Variants in EXT1 observed in about 807,000 individuals in gnomAD.
The protein encoded by EXT1 is exostosin glycosyltransferase 1.
EXT1 carries 20 observed loss-of-function variants against 82.5 expected under a neutral mutation model. The ratio of observed to expected loss-of-function variants is 0.24; its 90% CI spans 0.17 to 0.35. The LOEUF (loss-of-function observed/expected upper bound fraction) is 0.35. Ranked by LOEUF, EXT1 falls within the 10% of genes least tolerant of loss-of-function variation. The probability of loss-of-function intolerance (pLI) is 1.00; values close to 1 mark genes in which losing one functional copy is unlikely to be tolerated. For synonymous variants in EXT1, 348 were observed against 350.8 expected (o/e 0.99, Z 0.09); for missense variants, 757 against 936.5 (o/e 0.81, Z 2.50).
chr8:118,011,034 A>G (rs1420962560), intron 1 of EXT1, among the ~76,000 whole-genome samples: 1 of 152,214 alleles, frequency 6.6e-6, no homozygotes, highest in East Asian at 1.9e-4. Context: ...AGATGTGCAC[A>G]TGAAAACCTG....
intron 4 of EXT1, among the ~76,000 whole-genome samples, chr8:117,829,796 C>T (rs1215687069): frequency 6.6e-6 from 1 of 151,840 alleles, no homozygotes; most frequent in Non-Finnish European, 1.5e-5. Context: ...GTCTTGAACT[C>T]CTGAACTCAG....
At chr8:117,873,745 C>T (rs1490664858) in intron 1 of EXT1, among the ~76,000 whole-genome samples, 1 of 152,036 alleles carries the variant, frequency 6.6e-6, no homozygotes, top group African/African-American at 2.4e-5. Context: ...CATGAGCCAC[C>T]GCGCCCAGTC....
chr8:117,852,723 G>A (rs1812476520), intron 1 of EXT1, among the ~76,000 whole-genome samples: 1 of 152,130 alleles, frequency 6.6e-6, no homozygotes, highest in Non-Finnish European at 1.5e-5. Flanking sequence ...GAGACAATGA[G>A]ATTCCATTCA....
intron 1 of EXT1, among the ~76,000 whole-genome samples, chr8:117,909,249 C>G (rs1378672008): frequency 6.6e-6 from 1 of 152,024 alleles, no homozygotes; most frequent in African/African-American, 2.4e-5. Flanking sequence ...CAAATCAGGC[C>G]CTTCAGTTGC....
At chr8:117,807,866 T>TAA (rs140138400) in intron 8 of EXT1, among the ~76,000 whole-genome samples, 3 of 147,822 alleles carry the variant, frequency 2.0e-5, no homozygotes, top group African/African-American at 7.5e-5. Context: ...GAAATAACTT[T>TAA]AAAAAAAAAA....
chr8:118,016,225 C>T (rs1201601649), intron 1 of EXT1, among the ~76,000 whole-genome samples: 2 of 152,154 alleles, frequency 1.3e-5, no homozygotes, highest in Non-Finnish European at 2.9e-5. Flanking sequence ...AACACCATCT[C>T]TACCAAAAAT....
At chr8:117,949,542 TATATC>T (rs1405597173) in intron 1 of EXT1, among the ~76,000 whole-genome samples, 1 of 149,708 alleles carries the variant, frequency 6.7e-6, no homozygotes, top group Non-Finnish European at 1.5e-5. Flanking sequence ...ATACGTATTA[TATATC>T]ATATTTGTGC....
rs564955811 is a variant in EXT1, at chr8:118,015,438, C to CGATCTAAA, written c.962+94639_962+94646dup. 3.9e-5 allele frequency among the ~76,000 whole-genome samples: 6 copies of CGATCTAAA among 152,196 alleles called. No individual in the cohort carries two copies. The South Asian group carries it at 1.2e-3, about 32-fold the overall frequency. ...ATGCATAAATGTATCCAAAATTCCACGATCTAAAGTTTCTAATAATTTGGA... is the reference window on the plus strand; with the variant it reads ...ATGCATAAATGTATCCAAAATTCCACGATCTAAAGATCTAAAGTTTCTAATAATTTGGA... On this transcript the variant is annotated intron_variant, in intron 1 of 10. Transcript: ENST00000378204.
At chr8:117,873,340 T>C (rs973243560) in intron 1 of EXT1, among the ~76,000 whole-genome samples, 2 of 152,112 alleles carry the variant, frequency 1.3e-5, no homozygotes, top group African/African-American at 4.8e-5. Flanking sequence ...AATCTATATA[T>C]GCAAACTTCT....
intron 1 of EXT1, among the ~76,000 whole-genome samples, chr8:118,105,740 T>G (rs1741700948): frequency 6.6e-6 from 1 of 152,144 alleles, no homozygotes; most frequent in South Asian, 2.1e-4. Context: ...TATTTTACAT[T>G]TAAAACCCGA....
chr8:117,882,843 G>C (rs1161609184), intron 1 of EXT1, among the ~76,000 whole-genome samples: 2 of 152,030 alleles, frequency 1.3e-5, no homozygotes, highest in African/African-American at 4.8e-5. Flanking sequence ...CAGGCATGAT[G>C]GTGGGGGCCT....
In EXT1 at chr8:117,829,569, C is replaced by CTT. The variant is rs35823668; in HGVS notation, c.1284+659_1284+660dup. On this transcript the variant is annotated intron_variant, in intron 4 of 10. Coordinates refer to ENST00000378204, the MANE Select transcript of EXT1 (RefSeq NM_000127.3). ...TTACTTGGCCATTATATATATTTTT[C>CTT]TTTTTTTTTTTTTTTTTTTTTGAGG... Among the ~76,000 whole-genome samples, 830 of 96,784 alleles carry CTT rather than the reference C, an allele frequency of 8.6e-3. 17 individuals carry two copies. The highest frequency in any genetic ancestry group is 0.011 in the African/African-American group (303 of 28,124). The allele number at this position is 96,784 out of a possible 152,430, so 63.5% of individuals were successfully genotyped here. A position where few individuals can be genotyped will look rare whatever the true frequency, so the allele number is the denominator to read the frequency against.
intron 1 of EXT1, among the ~76,000 whole-genome samples, chr8:117,841,723 C>A (rs1299323991): frequency 6.6e-6 from 1 of 152,090 alleles, no homozygotes; most frequent in East Asian, 1.9e-4. Context: ...AATGACATGA[C>A]CTTGAATTTA....
chr8:117,976,586 G>A lies in EXT1; in HGVS notation c.962+133499C>T, dbSNP rs151186274. On this transcript the variant is annotated intron_variant, in intron 1 of 10. Transcript: ENST00000378204. Reference sequence around the variant, plus strand: ...ACATGCAAAAGAAATTACTGACTGAGAGAATGCATGAGGGGTATTATTGGG... The same window carrying A: ...ACATGCAAAAGAAATTACTGACTGAAAGAATGCATGAGGGGTATTATTGGG... Among the ~76,000 whole-genome samples the A allele has an allele frequency of 6.6e-3, 999 of 152,318 alleles. 11 individuals carry two copies. Among genetic ancestry groups the A allele is most frequent in the African/African-American group, 0.023 (963 of 41,554 alleles).
At chr8:117,838,459 A>G (rs1382039725) in intron 1 of EXT1, among the ~76,000 whole-genome samples, 1 of 152,198 alleles carries the variant, frequency 6.6e-6, no homozygotes, top group Admixed American at 6.5e-5. Flanking sequence ...ACATCATGCA[A>G]AGGACCATTT....
chr8:117,806,014 C>T (rs1823231029), intron 9 of EXT1, among the ~76,000 whole-genome samples: 1 of 152,204 alleles, frequency 6.6e-6, no homozygotes, highest in Non-Finnish European at 1.5e-5. Context: ...GCCCTCTAAT[C>T]TTCCAGTGTT....
rs58914414 is a variant in EXT1 at position 118,019,246 on chromosome 8, T to TGAAAGAAAGAAAGAAAGAAAGAAA, written c.962+90815_962+90838dup. Among the ~76,000 whole-genome samples, 784 of 145,728 alleles carry TGAAAGAAAGAAAGAAAGAAAGAAA rather than the reference T, an allele frequency of 5.4e-3. 6 individuals are homozygous for TGAAAGAAAGAAAGAAAGAAAGAAA. The highest frequency in any genetic ancestry group is 0.01 in the Middle Eastern group (3 of 288). On this transcript the variant is annotated intron_variant, in intron 1 of 10. Transcript: ENST00000378204. Reference sequence around the variant, plus strand: ...AAGCAGTAAGACATAGCAGTACGATTGAAAGAAAGAAAGAAAGAAAGAAAG... The same window carrying TGAAAGAAAGAAAGAAAGAAAGAAA: ...AAGCAGTAAGACATAGCAGTACGATTGAAAGAAAGAAAGAAAGAAAGAAAGAAAGAAAGAAAGAAAGAAAGAAAG...
chr8:118,095,763 C>T (rs1346693343), intron 1 of EXT1, among the ~76,000 whole-genome samples: 1 of 152,098 alleles, frequency 6.6e-6, no homozygotes, highest in Non-Finnish European at 1.5e-5. Flanking sequence ...TGATTGTCAC[C>T]AAATCTGAAT....
At chr8:117,917,428 G>A (rs1467842023) in intron 1 of EXT1, among the ~76,000 whole-genome samples, 1 of 152,150 alleles carries the variant, frequency 6.6e-6, no homozygotes, top group Non-Finnish European at 1.5e-5. Context: ...TTGTGCCACT[G>A]CACTCCAGCC....
Sources: allele counts gnomAD v4.1 joint callset (sites outside exome capture counted in the v4.1 genomes callset), GRCh38; gene constraint gnomAD v4.1.1; transcripts MANE v1.5; gene names NCBI Gene and HGNC (gene_info 2026-07-23, HGNC 2026-07-21).